Variants in R3HDML observed in about 807,000 individuals in gnomAD.
R3HDML encodes R3H domain containing like, also known as peptidase inhibitor R3HDML.
R3HDML carries 21 observed loss-of-function variants against 24.2 expected under a neutral mutation model. The ratio of observed to expected loss-of-function variants is 0.87; its 90% CI spans 0.62 to 1.25. The LOEUF (loss-of-function observed/expected upper bound fraction) is 1.25, where lower values mean the gene tolerates loss of function less well. Among genes scored for constraint, R3HDML ranks in the 50% most tolerant of loss-of-function variants. R3HDML has a pLI of 0.00. For missense variants in R3HDML, 301 were observed against 340.3 expected (o/e 0.88, Z 0.91); for synonymous variants, 133 against 131.5 (o/e 1.01, Z -0.08).
intron 4 of R3HDML, 135 bp from the exon 5 acceptor site, chr20:44,350,525 A>T: frequency 7.0e-6 from 5 of 715,784 alleles, no homozygotes; most frequent in Non-Finnish European, 1.1e-5. Flanking sequence ...AAAGAAAAAA[A>T]AGAAACCAAG....
intron 4 of R3HDML, among the ~76,000 whole-genome samples, chr20:44,347,363 C>T (rs1387323501): frequency 6.6e-6 from 1 of 151,850 alleles, no homozygotes; most frequent in Non-Finnish European, 1.5e-5. Context: ...GGAGTACAGG[C>T]ATGCACCATT....
rs1229031087 is a variant in R3HDML, at chr20:44,337,185, C to T, written c.28C>T (p.Leu10=). The change falls in exon 1 of 5, where the codon CTG becomes TTG. Residue 10 remains leucine (L), a synonymous_variant. Coordinates refer to ENST00000217043, the MANE Select transcript of R3HDML (RefSeq NM_178491.4). The surrounding 1 kb of genome is among the most constrained non-coding windows in gnomAD (Gnocchi z 4.7). The part of the protein sequence containing the change: MPLLPSTVG[L]AGLLFWAGQA... The stretch of plus-strand genomic sequence containing the variant: ...GCCCCTGCTGCCCAGCACCGTGGGC[C>T]TGGCAGGCCTGCTCTTCTGGGCTGG... The T allele has an allele frequency of 4.3e-6, 7 of 1,613,422 alleles. No homozygotes were observed. In the Admixed American group the frequency reaches 1.0e-4, roughly 23 times the overall value.
At chr20:44,343,889 G>A (rs867633636) in intron 3 of R3HDML, among the ~76,000 whole-genome samples, 20 of 152,156 alleles carry the variant, frequency 1.3e-4, no homozygotes, top group African/African-American at 4.3e-4. Context: ...TGTAATCTCA[G>A]TAACTTGAGA....
chr20:44,340,162 C>T (rs574086174), intron 1 of R3HDML, among the ~76,000 whole-genome samples: 1 of 152,122 alleles, frequency 6.6e-6, no homozygotes, highest in South Asian at 2.1e-4. Context: ...ACCATGTTGG[C>T]CAGGTTAGTC....
At chr20:44,348,371 T>C (rs1469919724) in intron 4 of R3HDML, among the ~76,000 whole-genome samples, 1 of 152,214 alleles carries the variant, frequency 6.6e-6, no homozygotes. Flanking sequence ...AGCATTTGAA[T>C]ACATCATTTT....
At position 44,350,973 on chromosome 20, in the gene R3HDML, C is replaced by G. The variant is rs2062809924; in HGVS notation, c.*181C>G. ...AACATGGGTCAAAAGAAAATGACCT[C>G]CTTGCCTTCCTTCTTTCCTAGTTGC... On this transcript the variant is annotated 3_prime_UTR_variant, in exon 5 of 5. Transcript: ENST00000217043. 17 of 586,706 alleles carry G rather than the reference C, an allele frequency of 2.9e-5. 2 individuals are homozygous for G. The South Asian group carries it at 4.2e-4, about 15-fold the overall frequency. The allele number at this position is 586,706 out of a possible 1,614,324, so 36.3% of individuals were successfully genotyped here. A position where few individuals can be genotyped will look rare whatever the true frequency, so the allele number is the denominator to read the frequency against.
In R3HDML at chr20:44,345,410, T is replaced by TG. The variant is rs774214066; in HGVS notation, c.629+36dup. On this transcript the variant is annotated intron_variant, in intron 4 of 4. Coordinates refer to ENST00000217043, the MANE Select transcript of R3HDML (RefSeq NM_178491.4). ...GCCTGCACCAAGGCAAAGAGGGCCCTGGGGCCGGCGGGTGGGTCCTGAGAA... is the reference window on the plus strand; with the variant it reads ...GCCTGCACCAAGGCAAAGAGGGCCCTGGGGGCCGGCGGGTGGGTCCTGAGAA... 2.7e-6 allele frequency: 4 copies of TG among 1,506,042 alleles called. No individual in the cohort carries two copies. The African/African-American group carries it at 5.5e-5, about 21-fold the overall frequency. 93.3% of individuals were successfully genotyped at this position (1,506,042 alleles called of 1,614,324 possible).
At position 44,341,178 on chromosome 20, in the gene R3HDML, T is replaced by C. The variant is rs561589725; in HGVS notation, c.262-18T>C. ...GTGGCAATTCCCCTGGGGAATTTCA[T>C]TGCCTTTCTTTCCCCAGGTCTGGGA... is the stretch of plus-strand genomic sequence containing the variant. On this transcript the variant is annotated intron_variant, in intron 1 of 4. Transcript: ENST00000217043. 42 of 1,594,076 alleles carry C rather than the reference T, an allele frequency of 2.6e-5. 1 individual carries two copies. The South Asian group carries it at 3.8e-4, about 14-fold the overall frequency.
Position 44,344,302 on chromosome 20 carries a change from C to A in R3HDML, c.513+793C>A, listed in dbSNP as rs1004393952. Among the ~76,000 whole-genome samples the A allele has an allele frequency of 3.3e-5, 5 of 149,718 alleles. No homozygotes were observed. In the East Asian group the frequency reaches 9.8e-4, roughly 29 times the overall value. ...TCTCAAAAAAAAAAAAAAAGTGAAG[C>A]TTGGTGGTGCACACCTTTAGTCCCA... On this transcript the variant is annotated intron_variant, in intron 3 of 4. Transcript: ENST00000217043.
At chr20:44,339,068 A>T in intron 1 of R3HDML, among the ~76,000 whole-genome samples, 1 of 151,302 alleles carries the variant, frequency 6.6e-6, no homozygotes, top group African/African-American at 2.4e-5. Context: ...TATCTAAAAA[A>T]AAAAAAAAAA....
intron 1 of R3HDML, among the ~76,000 whole-genome samples, chr20:44,339,774 G>A (rs1289917768): frequency 6.6e-6 from 1 of 151,794 alleles, no homozygotes; most frequent in Non-Finnish European, 1.5e-5. Context: ...GTTCCTCCTT[G>A]GTTATCTATT....
rs866845763 is a variant in R3HDML at position 44,337,474 on chromosome 20, C to T, written c.261+56C>T. On this transcript the variant is annotated intron_variant, in intron 1 of 4. Coordinates refer to ENST00000217043, the MANE Select transcript of R3HDML (RefSeq NM_178491.4). The surrounding 1 kb of genome is among the most constrained non-coding windows in gnomAD (Gnocchi z 4.7). Reference sequence around the variant, plus strand: ...GCAGTGTCCCTTCCGGCAAACGCAGCCGGACTCATCTTGGCCTAGAATGAC... The same window carrying T: ...GCAGTGTCCCTTCCGGCAAACGCAGTCGGACTCATCTTGGCCTAGAATGAC... 62 of 1,559,544 alleles carry T rather than the reference C, an allele frequency of 4.0e-5. 1 individual carries two copies. The Middle Eastern group carries it at 1.0e-3, about 26-fold the overall frequency.
chr20:44,341,335 C>T (rs1189569764), intron 2 of R3HDML, 21 bp downstream of exon 2: 1 of 1,556,844 alleles, frequency 6.4e-7, no homozygotes, highest in Admixed American at 1.7e-5. Flanking sequence ...CTCTGCCCTT[C>T]CTTCACTCAG....
chr20:44,345,038 C>A (rs1276708881), intron 3 of R3HDML: 31 of 560,782 alleles, frequency 5.5e-5, no homozygotes, highest in South Asian at 2.7e-4. Flanking sequence ...TGTTTGTACA[C>A]CTGTAACAAT....
chr20:44,341,235 G>A lies in R3HDML; in HGVS notation c.301G>A (p.Ala101Thr), dbSNP rs1017985415. The part of the protein sequence containing the change: ...KRLARAAEAW[A>T]TQCIWAHGPS... Reference sequence around the variant, plus strand: ...GCTGGCCAGGGCTGCCGAAGCCTGGGCCACCCAGTGCATCTGGGCACATGG... The same window carrying A: ...GCTGGCCAGGGCTGCCGAAGCCTGGACCACCCAGTGCATCTGGGCACATGG... The change falls in exon 2 of 5, where the codon GCC becomes ACC. Residue 101 changes from alanine to threonine, a missense_variant. Physicochemically the swap from Ala to Thr is moderately conservative, Grantham distance 58. Coordinates refer to ENST00000217043, the MANE Select transcript of R3HDML (RefSeq NM_178491.4). The A allele has an allele frequency of 1.9e-6, 3 of 1,614,022 alleles. No individual in the cohort carries two copies.
chr20:44,349,021 C>T (rs1356250525), intron 4 of R3HDML, among the ~76,000 whole-genome samples: 3 of 151,780 alleles, frequency 2.0e-5, no homozygotes, highest in East Asian at 1.9e-4. Flanking sequence ...CATGGAGGTG[C>T]GTCCCTGAGG....
chr20:44,342,185 C>G (rs1462976939), intron 2 of R3HDML, among the ~76,000 whole-genome samples: 1 of 152,166 alleles, frequency 6.6e-6, no homozygotes, highest in Non-Finnish European at 1.5e-5. Flanking sequence ...ACACAATTGT[C>G]AGATTTTTAT....
rs1015602188 is a variant in R3HDML, at chr20:44,337,690, C to T, written c.261+272C>T. 2.0e-5 allele frequency among the ~76,000 whole-genome samples: 3 copies of T among 152,150 alleles called. No individual in the cohort carries two copies. Among genetic ancestry groups the T allele is most frequent in the South Asian group, 2.1e-4 (1 of 4,820 alleles). On this transcript the variant is annotated intron_variant, in intron 1 of 4. Transcript: ENST00000217043. This position sits in a 1 kb window ranked among gnomAD's most constrained non-coding sequence, Gnocchi z 4.7. ...GCACCACTGTGCGCCAGGCACTGCA[C>T]GTGAGTATCATCTCCATTTTCCAGA...
chr20:44,339,263 A>C (rs1385431542), intron 1 of R3HDML, among the ~76,000 whole-genome samples: 1 of 152,056 alleles, frequency 6.6e-6, no homozygotes, highest in Non-Finnish European at 1.5e-5. Context: ...CACACCGACC[A>C]GGACTGTAAT....
Sources: gnomAD v4.1 joint callset for allele counts (sites outside exome capture counted in the v4.1 genomes callset) on GRCh38, gnomAD v4.1.1 for gene constraint, Gnocchi (gnomAD v3.1) non-coding constraint, MANE v1.5 for transcripts, NCBI Gene and HGNC (gene_info 2026-07-23, HGNC 2026-07-21) for gene names.